Variants in TAFA2 observed in about 807,000 individuals in gnomAD.
TAFA2 encodes the protein chemokine-like protein TAFA-2.
In TAFA2, 7 loss-of-function variants were observed where a neutral mutation model predicts 18.8. That is an observed-to-expected ratio of 0.37 (90% confidence interval 0.21 to 0.70). The LOEUF is 0.70. Ranked by LOEUF, TAFA2 falls within the 30% of genes least tolerant of loss-of-function variation. The pLI is 0.53. For synonymous variants in TAFA2, 60 were observed against 54.2 expected (o/e 1.11, Z -0.47); for missense variants, 122 against 158.1 (o/e 0.77, Z 1.23).
At chr12:62,083,452 G>T in intron 1 of TAFA2, among the ~76,000 whole-genome samples, 1 of 151,992 alleles carries the variant, frequency 6.6e-6, no homozygotes, top group Admixed American at 6.6e-5. Flanking sequence ...TGGGGCATAT[G>T]CCATATATAT....
At chr12:61,956,640 A>AC (rs1379120995) in intron 1 of TAFA2, among the ~76,000 whole-genome samples, 1 of 151,536 alleles carries the variant, frequency 6.6e-6, no homozygotes, top group Non-Finnish European at 1.5e-5. Context: ...TTAAAAAAAA[A>AC]AAAAAAACAG....
At chr12:61,922,646 G>T (rs1384832208) in intron 1 of TAFA2, among the ~76,000 whole-genome samples, 2 of 152,096 alleles carry the variant, frequency 1.3e-5, no homozygotes, top group African/African-American at 4.8e-5. Flanking sequence ...CAGGGCCCTG[G>T]GTTTCAAGCA....
At chr12:61,819,111 T>C (rs1872215179) in intron 2 of TAFA2, among the ~76,000 whole-genome samples, 1 of 152,198 alleles carries the variant, frequency 6.6e-6, no homozygotes, top group Non-Finnish European at 1.5e-5. Flanking sequence ...ACTGTTGATG[T>C]TTATATTTAC....
At chr12:61,924,306 A>G (rs1877184726) in intron 1 of TAFA2, among the ~76,000 whole-genome samples, 5 of 152,200 alleles carry the variant, frequency 3.3e-5, no homozygotes, top group Admixed American at 3.3e-4. Flanking sequence ...CCAAGGTTGA[A>G]ATGAAGAAAA....
intron 1 of TAFA2, among the ~76,000 whole-genome samples, chr12:62,169,850 C>CA (rs11373929): frequency 0.36 from 32,563 of 89,786 alleles, 5,432 homozygotes; most frequent in Middle Eastern, 0.44. Flanking sequence ...GACTCCGTCT[C>CA]AAAAAAAAAA....
chr12:61,995,414 C>T (rs1255839301), intron 1 of TAFA2, among the ~76,000 whole-genome samples: 1 of 152,206 alleles, frequency 6.6e-6, no homozygotes, highest in Non-Finnish European at 1.5e-5. Flanking sequence ...GTCTTCTTCA[C>T]TACATTTTCT....
chr12:62,193,934 T>C, upstream of TAFA2, among the ~76,000 whole-genome samples: 1 of 152,214 alleles, frequency 6.6e-6, no homozygotes. Context: ...GTTGAAATCA[T>C]TTAAAACAAA....
intron 4 of TAFA2, among the ~76,000 whole-genome samples, chr12:61,735,790 T>C (rs939466047): frequency 1.3e-5 from 2 of 151,902 alleles, no homozygotes; most frequent in Non-Finnish European, 2.9e-5. Context: ...TATTTTGTTT[T>C]TGTTTACATT....
intron 2 of TAFA2, among the ~76,000 whole-genome samples, chr12:61,824,151 A>G (rs191644595): frequency 6.6e-6 from 1 of 152,310 alleles, no homozygotes; most frequent in East Asian, 1.9e-4. Flanking sequence ...AGGAGCTGAG[A>G]GAAATCTCAG....
rs575362168 is a variant in TAFA2 at position 61,844,116 on chromosome 12, A to T, written c.106+23204T>A. On this transcript the variant is annotated intron_variant, in intron 2 of 4. Coordinates refer to ENST00000416284, the MANE Select transcript of TAFA2 (RefSeq NM_178539.5). The stretch of plus-strand genomic sequence containing the variant: ...TTTTGTAAACTTGTACTTTTTCATT[A>T]TTCATTTAATAATTTCTGCCCTGGA... Among the ~76,000 whole-genome samples, 9 of 152,274 alleles carry T rather than the reference A, an allele frequency of 5.9e-5. No individual in the cohort carries two copies. In the East Asian group the frequency reaches 1.5e-3, roughly 26 times the overall value.
chr12:61,955,630 AAAATATATATATATATATATATATATAT>A (rs1565695163), intron 1 of TAFA2, among the ~76,000 whole-genome samples: 9 of 14,960 alleles, frequency 6.0e-4, no homozygotes, highest in Non-Finnish European at 1.1e-3. Context: ...AAAAAAAAAA[AAAATATATATATATATATATATATATAT>A]ATATATATAT....
At chr12:61,810,132 C>T (rs1395844210) in intron 2 of TAFA2, among the ~76,000 whole-genome samples, 3 of 151,372 alleles carry the variant, frequency 2.0e-5, no homozygotes, top group Non-Finnish European at 4.4e-5. Context: ...GTATAATTTA[C>T]AGTTTTCCCA....
chr12:61,993,432 A>G (rs576845018), intron 1 of TAFA2, among the ~76,000 whole-genome samples: 2 of 152,282 alleles, frequency 1.3e-5, no homozygotes, highest in Admixed American at 1.3e-4. Context: ...TTTACTATAG[A>G]ACCTATTTCA....
intron 1 of TAFA2, among the ~76,000 whole-genome samples, chr12:62,186,798 T>A (rs1357593927): frequency 6.6e-6 from 1 of 152,124 alleles, no homozygotes; most frequent in Non-Finnish European, 1.5e-5. Context: ...CTGAACAAAA[T>A]AGAGTATTCT....
chr12:61,741,614 G>A (rs1038576599), intron 4 of TAFA2, among the ~76,000 whole-genome samples: 4 of 152,064 alleles, frequency 2.6e-5, no homozygotes, highest in African/African-American at 9.7e-5. Context: ...TATGGGCCAT[G>A]CAATATTAAA....
intron 1 of TAFA2, among the ~76,000 whole-genome samples, chr12:61,964,769 T>A (rs1879011842): frequency 6.6e-6 from 1 of 151,912 alleles, no homozygotes. Flanking sequence ...CTCTACCACC[T>A]CTTTTCTCCA....
intron 1 of TAFA2, among the ~76,000 whole-genome samples, chr12:62,143,289 A>G (rs1262183521): frequency 6.6e-6 from 1 of 152,164 alleles, no homozygotes; most frequent in Admixed American, 6.5e-5. Context: ...AGAATCCCCC[A>G]TGGATGAGTA....
chr12:61,829,989 A>G (rs941145446), intron 2 of TAFA2, among the ~76,000 whole-genome samples: 1 of 151,742 alleles, frequency 6.6e-6, no homozygotes, highest in Non-Finnish European at 1.5e-5. Context: ...ATAAGAATGC[A>G]GAGAAGTTAT....
intron 1 of TAFA2, among the ~76,000 whole-genome samples, chr12:61,962,609 A>C (rs1274026400): frequency 1.3e-5 from 2 of 151,850 alleles, no homozygotes; most frequent in African/African-American, 4.8e-5. Flanking sequence ...GGAGAACATT[A>C]TTTTTTCAAA....
Sources: gnomAD v4.1 joint callset for allele counts (sites outside exome capture counted in the v4.1 genomes callset) on GRCh38, gnomAD v4.1.1 for gene constraint, MANE v1.5 for transcripts, NCBI Gene and HGNC (gene_info 2026-07-23, HGNC 2026-07-21) for gene names.